The following GALNT13 variants were observed in gnomAD, a reference collection of about 807,000 sequenced individuals.
GALNT13 encodes UDP-GalNAc:polypeptide N-acetylgalactosaminyltransferase 13.
In GALNT13, 28 loss-of-function variants were observed where a neutral mutation model predicts 64.2. That is an observed-to-expected ratio of 0.44 (90% confidence interval 0.32 to 0.60). The LOEUF (loss-of-function observed/expected upper bound fraction) is 0.60. Among genes scored for constraint, GALNT13 ranks in the 20% least tolerant of loss-of-function variants. The pLI is 0.05. For missense variants in GALNT13, 577 were observed against 669.8 expected (o/e 0.86, Z 1.53); for synonymous variants, 214 against 224.6 (o/e 0.95, Z 0.42).
At chr2:153,670,393 A>G in the GALNT13 span, among the ~76,000 whole-genome samples, 3 of 152,172 alleles carry the variant, frequency 2.0e-5, no homozygotes, top group Non-Finnish European at 4.4e-5. Flanking sequence ...TCCGCTGGTG[A>G]TACCCAGGCA....
At chr2:153,755,680 T>A in the GALNT13 span, among the ~76,000 whole-genome samples, 12 of 152,296 alleles carry the variant, frequency 7.9e-5, no homozygotes, top group East Asian at 2.1e-3. Context: ...CAGAAATGTT[T>A]CCTGAATCTG....
chr2:153,881,377 C>A (rs1487542947), intron 1 of GALNT13, among the ~76,000 whole-genome samples: 3 of 152,198 alleles, frequency 2.0e-5, no homozygotes, highest in Admixed American at 1.3e-4. Context: ...GTGGTACCCA[C>A]TGTCAGACTT....
At chr2:153,441,266 G>T in the GALNT13 span, among the ~76,000 whole-genome samples, 1 of 152,102 alleles carries the variant, frequency 6.6e-6, no homozygotes, top group Non-Finnish European at 1.5e-5. Flanking sequence ...GTATATGTGT[G>T]GCATTATTAC....
At chr2:153,318,489 G>A in the GALNT13 span, among the ~76,000 whole-genome samples, 1 of 152,216 alleles carries the variant, frequency 6.6e-6, no homozygotes, top group Non-Finnish European at 1.5e-5. Context: ...GGGTTTGCAA[G>A]TCCTGTAAGC....
chr2:153,942,260 C>T (rs981763567), intron 2 of GALNT13, among the ~76,000 whole-genome samples: 2 of 152,172 alleles, frequency 1.3e-5, no homozygotes, highest in African/African-American at 2.4e-5. Context: ...TAAGGTCATC[C>T]CTTTATTTGA....
intron 7 of GALNT13, among the ~76,000 whole-genome samples, chr2:154,255,007 C>T (rs569518021): frequency 2.0e-4 from 30 of 152,140 alleles, no homozygotes; most frequent in Middle Eastern, 3.4e-3. Flanking sequence ...ATTGCACCCA[C>T]GTGATAGATA....
the GALNT13 span, among the ~76,000 whole-genome samples, chr2:153,816,630 C>CATAG: frequency 2.8e-4 from 42 of 151,278 alleles, no homozygotes; most frequent in South Asian, 2.1e-4. Context: ...AGATATATTA[C>CATAG]ATAGATAGAT....
chr2:153,495,670 G>T, the GALNT13 span, among the ~76,000 whole-genome samples: 1 of 152,146 alleles, frequency 6.6e-6, no homozygotes, highest in Non-Finnish European at 1.5e-5. Flanking sequence ...ATACTATTTT[G>T]TTTTGTAGAT....
At chr2:153,671,497 A>T in the GALNT13 span, among the ~76,000 whole-genome samples, 1 of 152,194 alleles carries the variant, frequency 6.6e-6, no homozygotes, top group Non-Finnish European at 1.5e-5. Context: ...AGACAAGCAA[A>T]TGCTGAGAGA....
At chr2:153,263,602 T>C in the GALNT13 span, among the ~76,000 whole-genome samples, 1 of 151,990 alleles carries the variant, frequency 6.6e-6, no homozygotes, top group African/African-American at 2.4e-5. Flanking sequence ...TACAGACACA[T>C]AGACAAATGG....
chr2:153,289,902 G>A, the GALNT13 span, among the ~76,000 whole-genome samples: 1 of 152,154 alleles, frequency 6.6e-6, no homozygotes, highest in Non-Finnish European at 1.5e-5. Context: ...AGGCCATATA[G>A]CATGATGGTC....
intron 3 of GALNT13, among the ~76,000 whole-genome samples, chr2:154,096,014 C>T (rs1269834489): frequency 6.6e-6 from 1 of 151,892 alleles, no homozygotes; most frequent in African/African-American, 2.4e-5. Flanking sequence ...TTTCTTTCGA[C>T]TCTGAGAACA....
chr2:153,770,483 T>C, the GALNT13 span, among the ~76,000 whole-genome samples: 1 of 152,190 alleles, frequency 6.6e-6, no homozygotes, highest in East Asian at 1.9e-4. Context: ...AGGAAGCTTA[T>C]CTTGCTACCC....
At chr2:153,847,637 A>T in the GALNT13 span, among the ~76,000 whole-genome samples, 2 of 152,302 alleles carry the variant, frequency 1.3e-5, no homozygotes, top group East Asian at 3.9e-4. Context: ...GTAAAAAAAA[A>T]ATGTAATTAT....
chr2:153,840,626 C>T, the GALNT13 span, among the ~76,000 whole-genome samples: 1 of 152,022 alleles, frequency 6.6e-6, no homozygotes, highest in African/African-American at 2.4e-5. Flanking sequence ...AAAGGCAGAG[C>T]ATAAGTAAAC....
intron 1 of GALNT13, among the ~76,000 whole-genome samples, chr2:153,884,827 ATGTGTGTGTGTGTG>A (rs1176473961): frequency 7.2e-5 from 8 of 111,886 alleles, no homozygotes; most frequent in Admixed American, 7.0e-4. Flanking sequence ...GTGTATATAT[ATGTGTGTGTGTGTG>A]TGTATATATG....
intron 4 of GALNT13, among the ~76,000 whole-genome samples, chr2:154,180,633 G>A (rs901405746): frequency 3.3e-5 from 5 of 152,040 alleles, no homozygotes; most frequent in Non-Finnish European, 5.9e-5. Flanking sequence ...AATAAGCGTA[G>A]TTAAAATGTT....
the GALNT13 span, among the ~76,000 whole-genome samples, chr2:153,286,676 A>G: frequency 6.6e-6 from 1 of 152,336 alleles, no homozygotes; most frequent in East Asian, 1.9e-4. Flanking sequence ...ATAACGGGAA[A>G]AGCTTCAAAA....
the GALNT13 span, among the ~76,000 whole-genome samples, chr2:153,692,075 C>T: frequency 1.3e-5 from 2 of 152,224 alleles, no homozygotes; most frequent in South Asian, 4.1e-4. Context: ...TATATCTCCA[C>T]ACACAATGAT....
Sources: allele counts gnomAD v4.1 joint callset (sites outside exome capture counted in the v4.1 genomes callset), GRCh38; gene constraint gnomAD v4.1.1; transcripts MANE v1.5; gene names NCBI Gene and HGNC (gene_info 2026-07-23, HGNC 2026-07-21).